The following ELAVL2 variants were observed in gnomAD, a reference collection of about 807,000 sequenced individuals.
ELAVL2 encodes the protein ELAV-like protein 2.
ELAVL2 carries 4 observed loss-of-function variants against 34.6 expected under a neutral mutation model. That is an observed-to-expected ratio of 0.12 (90% CI 0.06 to 0.26). The LOEUF is 0.26. ELAVL2 is among the 10% of genes least tolerant of loss of function. The pLI is 1.00. For missense variants in ELAVL2, 432 were observed against 442.8 expected (o/e 0.98, Z 0.22); for synonymous variants, 193 against 154.8 (o/e 1.25, Z -1.83).
intron 3 of ELAVL2, among the ~76,000 whole-genome samples, chr9:23,722,523 C>A (rs1324056517): frequency 6.6e-6 from 1 of 152,154 alleles, no homozygotes; most frequent in African/African-American, 2.4e-5. Context: ...TCTCTGGCAC[C>A]TAAGAGATCT....
intron 1 of ELAVL2, among the ~76,000 whole-genome samples, chr9:23,778,552 C>T (rs1424201062): frequency 6.6e-6 from 1 of 152,176 alleles, no homozygotes; most frequent in Non-Finnish European, 1.5e-5. Context: ...TTCCAGCTCT[C>T]CCAATACAGC....
At chr9:23,716,944 A>G (rs2042458938) in intron 3 of ELAVL2, among the ~76,000 whole-genome samples, 1 of 152,208 alleles carries the variant, frequency 6.6e-6, no homozygotes, top group Non-Finnish European at 1.5e-5. Flanking sequence ...ATGTCAGGGC[A>G]AAACTTTTAT....
rs1436559400 is a variant in ELAVL2, at chr9:23,757,525, G to GT, written c.229+4480dup. Among the ~76,000 whole-genome samples the GT allele has an allele frequency of 3.9e-5, 6 of 151,920 alleles. No individual in the cohort carries two copies. The East Asian group carries it at 1.2e-3, about 29-fold the overall frequency. ...GGTCACCTCTAGGGCTTTTCTGACTGTAACACTTTATTACTCATTCCTTGC... is the reference window on the plus strand; with the variant it reads ...GGTCACCTCTAGGGCTTTTCTGACTGTTAACACTTTATTACTCATTCCTTGC... On this transcript the variant is annotated intron_variant, in intron 2 of 6. Transcript: ENST00000397312.
At position 23,701,526 on chromosome 9, in the gene ELAVL2, T is replaced by G. The variant is rs1255911286; in HGVS notation, c.566A>C (p.Gln189Pro). ...AEEAIKGLNG[Q>P]KPPGATEPIT... ...TGGCTCCGTGGCACCGGGAGGTTTCTGGCCATTTAGGCCTTTGATAGCTTC... is the reference window on the plus strand; with the variant it reads ...TGGCTCCGTGGCACCGGGAGGTTTCGGGCCATTTAGGCCTTTGATAGCTTC... Residue 189 changes from glutamine (Q) to proline (P), a missense_variant, in exon 5 of 7, where the codon CAG becomes CCG. Physicochemically the swap from Gln to Pro is moderately conservative, Grantham distance 76. Coordinates refer to ENST00000397312, the MANE Select transcript of ELAVL2 (RefSeq NM_004432.5). The G allele has an allele frequency of 6.2e-7, 1 of 1,614,060 alleles. No homozygotes were observed. Among genetic ancestry groups the G allele is most frequent in the Non-Finnish European group, 8.5e-7 (1 of 1,180,026 alleles).
intron 1 of ELAVL2, among the ~76,000 whole-genome samples, chr9:23,805,668 C>A (rs767788836): frequency 2.6e-5 from 4 of 152,180 alleles, no homozygotes; most frequent in Non-Finnish European, 5.9e-5. Context: ...ATGATTAGAG[C>A]ATCTACCTTA....
intron 3 of ELAVL2, among the ~76,000 whole-genome samples, chr9:23,713,394 T>C (rs1484444087): frequency 6.6e-6 from 1 of 152,202 alleles, no homozygotes; most frequent in African/African-American, 2.4e-5. Flanking sequence ...GGCAGTAGGC[T>C]AGCCATTCCA....
chr9:23,781,053 C>T lies in ELAVL2; in HGVS notation c.-15-18804G>A, dbSNP rs145193807. 9.2e-5 allele frequency among the ~76,000 whole-genome samples: 14 copies of T among 152,294 alleles called. No homozygotes were observed. The East Asian group carries it at 2.5e-3, about 27-fold the overall frequency. On this transcript the variant is annotated intron_variant, in intron 1 of 6. Transcript: ENST00000397312. The stretch of plus-strand genomic sequence containing the variant: ...TATTTCTTAATGATTCTGTGACCCT[C>T]AACAAGTTTGTTATGTTCATAACTT...
At chr9:23,821,790 T>C (rs1232107508) in intron 1 of ELAVL2, 10 of 150,844 alleles carry the variant, frequency 6.6e-5, no homozygotes, top group Non-Finnish European at 1.3e-4. Context: ...GCAACCGCCC[T>C]CCTCACCCGG....
At chr9:23,849,299 A>C in the ELAVL2 span, among the ~76,000 whole-genome samples, 21,996 of 152,170 alleles carry the variant, frequency 0.14, 2,096 homozygotes, top group East Asian at 0.38. Context: ...AAGGAGGGTT[A>C]ATAAGCAATT....
chr9:23,847,010 G>T, the ELAVL2 span, among the ~76,000 whole-genome samples: 2 of 152,000 alleles, frequency 1.3e-5, no homozygotes, highest in Non-Finnish European at 2.9e-5. Context: ...TGAAATAAAA[G>T]CTACCACCTA....
chr9:23,798,828 AATTC>A (rs1338507142), intron 1 of ELAVL2, among the ~76,000 whole-genome samples: 1 of 152,170 alleles, frequency 6.6e-6, no homozygotes, highest in East Asian at 1.9e-4. Flanking sequence ...CGTGTAATTA[AATTC>A]ATTATCTTAA....
intron 3 of ELAVL2, among the ~76,000 whole-genome samples, chr9:23,714,767 T>C (rs998964288): frequency 6.6e-6 from 1 of 152,074 alleles, no homozygotes; most frequent in African/African-American, 2.4e-5. Flanking sequence ...CAAGCTACCA[T>C]GCAATCGGCC....
intron 2 of ELAVL2, among the ~76,000 whole-genome samples, chr9:23,733,241 G>T (rs1297704441): frequency 1.3e-5 from 2 of 149,092 alleles, no homozygotes; most frequent in Admixed American, 6.7e-5. Flanking sequence ...AAAATAGATA[G>T]ATATATATAC....
chr9:23,801,928 A>G (rs544024463), intron 1 of ELAVL2, among the ~76,000 whole-genome samples: 16 of 152,232 alleles, frequency 1.1e-4, no homozygotes, highest in Non-Finnish European at 2.4e-4. Context: ...GTGGTTTTAG[A>G]TGACACCTCA....
intron 3 of ELAVL2, among the ~76,000 whole-genome samples, chr9:23,712,122 T>C (rs940014782): frequency 2.0e-5 from 3 of 151,970 alleles, no homozygotes; most frequent in Admixed American, 6.6e-5. Flanking sequence ...AAAAAGAAAA[T>C]ACAGTGATCA....
chr9:23,734,726 A>G (rs1385031254), intron 2 of ELAVL2, among the ~76,000 whole-genome samples: 2 of 152,308 alleles, frequency 1.3e-5, no homozygotes, highest in South Asian at 4.1e-4. Flanking sequence ...CATTCCTATG[A>G]CAACATAAAT....
chr9:23,703,763 C>CAAACA (rs1384151920), intron 4 of ELAVL2, among the ~76,000 whole-genome samples: 1 of 151,984 alleles, frequency 6.6e-6, no homozygotes, highest in Non-Finnish European at 1.5e-5. Flanking sequence ...GGGAGAGAAA[C>CAAACA]AAACAGTGAG....
chr9:23,704,940 A>G lies in ELAVL2; in HGVS notation c.465T>C (p.Arg155=), dbSNP rs746168167. The change falls in exon 4 of 7, where the codon CGT becomes CGC. Residue 155 remains arginine, a synonymous_variant. Transcript: ENST00000397312. ...TACCAGTGACCTGGTCGACAAGAAT[A>G]CGAGAAGTAATAATGCGTCCATATT... The part of the protein sequence containing the change: ...FSQYGRIITS[R]ILVDQVTGIS... The G allele has an allele frequency of 6.8e-6, 11 of 1,614,000 alleles. No homozygotes were observed. The highest frequency in any genetic ancestry group is 7.6e-6 in the Non-Finnish European group (9 of 1,179,996).
intron 1 of ELAVL2, among the ~76,000 whole-genome samples, chr9:23,804,943 T>C (rs2062028038): frequency 6.6e-6 from 1 of 152,202 alleles, no homozygotes. Context: ...CTGATGTCCT[T>C]GAACTTGTTA....
Sources: gnomAD v4.1 joint callset for allele counts (sites outside exome capture counted in the v4.1 genomes callset) on GRCh38, gnomAD v4.1.1 for gene constraint, MANE v1.5 for transcripts, NCBI Gene and HGNC (gene_info 2026-07-23, HGNC 2026-07-21) for gene names.